The following RSRC1 variants were observed in gnomAD, a reference collection of about 807,000 sequenced individuals.
RSRC1 encodes the protein serine/Arginine-related protein 53.
A neutral mutation model predicts 49.1 loss-of-function variants in RSRC1; 39 were observed. That is an observed-to-expected ratio of 0.79 (90% CI 0.61 to 1.04). The LOEUF is 1.04. RSRC1 is among the 50% of genes least tolerant of loss of function. The probability of loss-of-function intolerance (pLI) is 0.00; values close to 1 mark genes in which losing one functional copy is unlikely to be tolerated. For missense variants in RSRC1, 388 were observed against 402.4 expected (o/e 0.96, Z 0.31); for synonymous variants, 143 against 130.8 (o/e 1.09, Z -0.63).
chr3:158,399,437 T>TATAA (rs1733789158), intron 6 of RSRC1, among the ~76,000 whole-genome samples: 1 of 149,998 alleles, frequency 6.7e-6, no homozygotes, highest in African/African-American at 2.5e-5. Context: ...ATTACAGGCG[T>TATAA]GAGCCACCGC....
At chr3:158,355,201 A>T (rs553477825) in intron 6 of RSRC1, among the ~76,000 whole-genome samples, 23 of 151,894 alleles carry the variant, frequency 1.5e-4, no homozygotes, top group Non-Finnish European at 3.1e-4. Flanking sequence ...TTTATGTACT[A>T]TGGTTTTGGT....
intron 7 of RSRC1, among the ~76,000 whole-genome samples, chr3:158,518,120 G>GCATATATATATA (rs1187362123): frequency 3.0e-5 from 2 of 66,400 alleles, no homozygotes; most frequent in African/African-American, 1.4e-4. Context: ...GTGTGTGTGT[G>GCATATATATATA]TGTGTGTATA....
chr3:158,152,573 A>G (rs573926260), intron 3 of RSRC1, among the ~76,000 whole-genome samples: 7 of 152,328 alleles, frequency 4.6e-5, no homozygotes, highest in South Asian at 4.1e-4. Context: ...TCTTCCCATC[A>G]GTATTCTCTT....
rs1234394713 is a variant in RSRC1, at chr3:158,399,391, C to T, written c.583+44483C>T. 1.1e-4 allele frequency among the ~76,000 whole-genome samples: 4 copies of T among 36,498 alleles called. 2 individuals are homozygous for T. The highest frequency in any genetic ancestry group is 5.5e-4 in the Admixed American group (2 of 3,658). The allele number at this position is 36,498 out of a possible 152,430, so 23.9% of individuals were successfully genotyped here. ...CGGGATGGTCTCGATCTCCTGACCT[C>T]GTGATCCGCCCGCCTCGGCCTCCCA... On this transcript the variant is annotated intron_variant, in intron 6 of 9. Transcript: ENST00000611884.
At chr3:158,518,553 G>A (rs1419933143) in intron 7 of RSRC1, among the ~76,000 whole-genome samples, 2 of 151,902 alleles carry the variant, frequency 1.3e-5, no homozygotes, top group Non-Finnish European at 1.5e-5. Context: ...ACCGGTAGAA[G>A]TATCATTTAA....
chr3:158,196,930 G>A (rs922678323), intron 3 of RSRC1, among the ~76,000 whole-genome samples: 23 of 152,156 alleles, frequency 1.5e-4, no homozygotes, highest in Non-Finnish European at 2.1e-4. Flanking sequence ...TTTTTGCATC[G>A]ATGTTCATCA....
At chr3:158,402,765 A>G (rs1733960791) in intron 6 of RSRC1, among the ~76,000 whole-genome samples, 1 of 151,914 alleles carries the variant, frequency 6.6e-6, no homozygotes, top group African/African-American at 2.4e-5. Context: ...TCATACTTCT[A>G]TCAAAGGTAC....
intron 7 of RSRC1, among the ~76,000 whole-genome samples, chr3:158,482,147 C>T (rs559281213): frequency 2.6e-5 from 4 of 151,748 alleles, no homozygotes; most frequent in Non-Finnish European, 4.4e-5. Flanking sequence ...TTATTAAATT[C>T]TTTTTAATAG....
intron 7 of RSRC1, among the ~76,000 whole-genome samples, chr3:158,517,367 T>C (rs2108484536): frequency 6.6e-6 from 1 of 152,266 alleles, no homozygotes; most frequent in South Asian, 2.1e-4. Context: ...CTGCACTGAC[T>C]GCAACCCCCA....
chr3:158,472,678 T>C (rs913102592), intron 7 of RSRC1, among the ~76,000 whole-genome samples: 2 of 152,184 alleles, frequency 1.3e-5, no homozygotes, highest in African/African-American at 4.8e-5. Context: ...GCCCACTTTT[T>C]GATGGGGTTG....
intron 7 of RSRC1, among the ~76,000 whole-genome samples, chr3:158,532,615 T>A (rs1712470042): frequency 6.6e-6 from 1 of 151,794 alleles, no homozygotes; most frequent in South Asian, 2.1e-4. Context: ...AGTGATTTTC[T>A]ATACTTTGAG....
chr3:158,226,146 G>C (rs1384236385), intron 4 of RSRC1, among the ~76,000 whole-genome samples: 1 of 151,830 alleles, frequency 6.6e-6, no homozygotes, highest in Non-Finnish European at 1.5e-5. Flanking sequence ...AATGGGTCTG[G>C]ATCTGAAAGG....
chr3:158,516,138 TGAGGAAC>T (rs1740514261), intron 7 of RSRC1, among the ~76,000 whole-genome samples: 2 of 152,254 alleles, frequency 1.3e-5, no homozygotes, highest in Non-Finnish European at 2.9e-5. Flanking sequence ...CCATTGCTGG[TGAGGAAC>T]TGCGTTCCTT....
intron 4 of RSRC1, among the ~76,000 whole-genome samples, chr3:158,264,279 T>C (rs1725049991): frequency 6.6e-6 from 1 of 152,214 alleles, no homozygotes; most frequent in South Asian, 2.1e-4. Context: ...TCTTTCTCCA[T>C]GGGTTATTTA....
chr3:158,280,708 G>A (rs1198790960), intron 4 of RSRC1, among the ~76,000 whole-genome samples: 1 of 138,636 alleles, frequency 7.2e-6, no homozygotes, highest in Non-Finnish European at 1.5e-5. Context: ...GTGCAGTGGC[G>A]TGATCTCGGC....
intron 4 of RSRC1, among the ~76,000 whole-genome samples, chr3:158,273,076 A>C (rs1211604824): frequency 6.6e-6 from 1 of 152,088 alleles, no homozygotes; most frequent in Non-Finnish European, 1.5e-5. Flanking sequence ...ATTAGTGGAA[A>C]TTAATTTGCA....
intron 6 of RSRC1, among the ~76,000 whole-genome samples, chr3:158,407,494 T>C (rs1734212201): frequency 6.6e-6 from 1 of 152,316 alleles, no homozygotes; most frequent in East Asian, 1.9e-4. Context: ...AATAGACTCA[T>C]AGAACCTACC....
rs1383033645 is a variant in RSRC1 at position 158,371,129 on chromosome 3, TTA to T, written c.583+16225_583+16226del. Among the ~76,000 whole-genome samples the T allele has an allele frequency of 2.7e-4, 41 of 152,060 alleles. 1 individual carries two copies. The highest frequency in any genetic ancestry group is 9.4e-4 in the African/African-American group (39 of 41,556). Reference sequence around the variant, plus strand: ...TTTGCCTGTTTTTAAAAGAAATTATTTATATTGTTGAGTTATAGTTATTTATA... The same window carrying T: ...TTTGCCTGTTTTTAAAAGAAATTATTTATTGTTGAGTTATAGTTATTTATA... On this transcript the variant is annotated intron_variant, in intron 6 of 9. Coordinates refer to ENST00000611884, the MANE Select transcript of RSRC1 (RefSeq NM_001271838.2).
intron 4 of RSRC1, among the ~76,000 whole-genome samples, chr3:158,271,196 G>A (rs367908966): frequency 3.9e-5 from 6 of 152,234 alleles, no homozygotes; most frequent in Admixed American, 1.3e-4. Flanking sequence ...TGTACTATGA[G>A]TTTTACAAAT....
Sources: gnomAD v4.1 joint callset for allele counts (sites outside exome capture counted in the v4.1 genomes callset) on GRCh38, gnomAD v4.1.1 for gene constraint, MANE v1.5 for transcripts, NCBI Gene and HGNC (gene_info 2026-07-23, HGNC 2026-07-21) for gene names.